ZFAND3: variants seen among roughly 807,000 people sequenced by gnomAD.
ZFAND3 encodes the protein zinc finger AN1-type containing 3, also known as AN1-type zinc finger protein 3.
ZFAND3 carries 10 observed loss-of-function variants against 29.6 expected under a neutral mutation model. The observed-to-expected ratio is 0.34, with a 90% CI of 0.21 to 0.57. The LOEUF (loss-of-function observed/expected upper bound fraction) is 0.57, where lower values mean the gene tolerates loss of function less well. Among genes scored for constraint, ZFAND3 ranks in the 20% least tolerant of loss-of-function variants. The pLI is 0.86. For missense variants in ZFAND3, 230 were observed against 304.5 expected (o/e 0.76, Z 1.82); for synonymous variants, 128 against 112.6 (o/e 1.14, Z -0.87).
chr6:37,941,940 G>A (rs1412544934), intron 2 of ZFAND3, among the ~76,000 whole-genome samples: 1 of 152,178 alleles, frequency 6.6e-6, no homozygotes, highest in African/African-American at 2.4e-5. Flanking sequence ...AGAGACACTA[G>A]TGATTTGTTC....
chr6:38,077,057 G>A (rs958456874), intron 3 of ZFAND3, among the ~76,000 whole-genome samples: 2 of 151,614 alleles, frequency 1.3e-5, no homozygotes, highest in African/African-American at 4.8e-5. Context: ...GACACATCAG[G>A]AAACAGTGCA....
intron 2 of ZFAND3, among the ~76,000 whole-genome samples, chr6:38,031,439 T>G (rs927904634): frequency 3.3e-5 from 5 of 152,208 alleles, no homozygotes; most frequent in African/African-American, 9.6e-5. Flanking sequence ...TTTCTTACTT[T>G]GCCCTTCGGG....
chr6:37,852,772 G>A (rs1366866733), intron 1 of ZFAND3, among the ~76,000 whole-genome samples: 1 of 149,708 alleles, frequency 6.7e-6, no homozygotes, highest in Non-Finnish European at 1.5e-5. Context: ...CTGCAGTGCA[G>A]TGGCATGATC....
chr6:37,849,820 C>G (rs1441774588), intron 1 of ZFAND3, among the ~76,000 whole-genome samples: 1 of 152,174 alleles, frequency 6.6e-6, no homozygotes, highest in Non-Finnish European at 1.5e-5. Flanking sequence ...GATTTAAGAG[C>G]CCTTTTGGGA....
chr6:38,020,393 A>C (rs2645142), intron 2 of ZFAND3, among the ~76,000 whole-genome samples: 1 of 152,156 alleles, frequency 6.6e-6, no homozygotes, highest in African/African-American at 2.4e-5. Context: ...GTTAAAAAAA[A>C]AAACATGTTT....
chr6:38,037,783 G>A (rs917935187), intron 2 of ZFAND3, among the ~76,000 whole-genome samples: 1 of 152,140 alleles, frequency 6.6e-6, no homozygotes, highest in Non-Finnish European at 1.5e-5. Flanking sequence ...TAGGTTATGC[G>A]CTGTTCTGGA....
chr6:37,963,728 T>G (rs1466527101), intron 2 of ZFAND3, among the ~76,000 whole-genome samples: 2 of 152,216 alleles, frequency 1.3e-5, no homozygotes, highest in African/African-American at 4.8e-5. Flanking sequence ...TCTTTCCTCC[T>G]TTTCTTTCTT....
At chr6:37,854,661 G>T (rs1764343324) in intron 1 of ZFAND3, among the ~76,000 whole-genome samples, 1 of 151,836 alleles carries the variant, frequency 6.6e-6, no homozygotes, top group South Asian at 2.1e-4. Context: ...TTTTATAGAT[G>T]AGGAAACAAG....
intron 1 of ZFAND3, among the ~76,000 whole-genome samples, chr6:37,844,978 C>G (rs1764151436): frequency 6.7e-6 from 1 of 149,754 alleles, no homozygotes; most frequent in Non-Finnish European, 1.5e-5. Flanking sequence ...GAGCCGAGAT[C>G]ACGCTACTGC....
intron 3 of ZFAND3, among the ~76,000 whole-genome samples, chr6:38,074,171 T>A (rs1225025496): frequency 6.6e-6 from 1 of 152,168 alleles, no homozygotes; most frequent in African/African-American, 2.4e-5. Context: ...ATGAGATCTT[T>A]CCTTTTCCAA....
At chr6:37,983,710 T>A (rs1360781203) in intron 2 of ZFAND3, among the ~76,000 whole-genome samples, 3 of 152,182 alleles carry the variant, frequency 2.0e-5, no homozygotes, top group Admixed American at 2.0e-4. Flanking sequence ...TTTTCTGTTT[T>A]CAGATATGTT....
intron 1 of ZFAND3, among the ~76,000 whole-genome samples, chr6:37,822,690 G>A (rs538690134): frequency 6.6e-6 from 1 of 152,322 alleles, no homozygotes. Context: ...GTAGAGGAAA[G>A]TAGCCTGGAG....
In ZFAND3 at chr6:37,885,438, G is replaced by A. The variant is rs139350783; in HGVS notation, c.72-44521G>A. ...GAGGGCAGATTAACTGAGGTCAGGA[G>A]TTAGAGACCAGCCTGGCCAACATGG... On this transcript the variant is annotated intron_variant, in intron 1 of 5. Transcript: ENST00000287218. Among the ~76,000 whole-genome samples the A allele has an allele frequency of 7.7e-3, 1,171 of 152,256 alleles. 14 individuals are homozygous for A. The highest frequency in any genetic ancestry group is 0.01 in the Middle Eastern group (3 of 294).
At chr6:37,845,517 C>A (rs1039089940) in intron 1 of ZFAND3, among the ~76,000 whole-genome samples, 9 of 152,152 alleles carry the variant, frequency 5.9e-5, no homozygotes, top group South Asian at 2.1e-4. Context: ...TTTCCTAGCC[C>A]CTTTTCCTCA....
chr6:37,891,418 C>T (rs993058647), intron 1 of ZFAND3, among the ~76,000 whole-genome samples: 3 of 137,074 alleles, frequency 2.2e-5, no homozygotes, highest in Non-Finnish European at 4.7e-5. Context: ...GATTTCAGTC[C>T]CCCCCCCCGC....
At chr6:37,905,906 A>G (rs182912927) in intron 1 of ZFAND3, among the ~76,000 whole-genome samples, 2 of 152,264 alleles carry the variant, frequency 1.3e-5, no homozygotes, top group Admixed American at 6.5e-5. Context: ...GTAAATGTTT[A>G]ATATTTTGAC....
At position 37,909,419 on chromosome 6, in the gene ZFAND3, A is replaced by G. The variant is rs1765479282; in HGVS notation, c.72-20540A>G. 4.0e-5 allele frequency among the ~76,000 whole-genome samples: 6 copies of G among 151,592 alleles called. No individual in the cohort carries two copies. In the South Asian group the frequency reaches 1.2e-3, roughly 32 times the overall value. ...CTCAGCCTCCCTAGTAGCTGGGACT[A>G]CAGATGTGCGCCACCATGCCCAGCT... On this transcript the variant is annotated intron_variant, in intron 1 of 5. Transcript: ENST00000287218.
chr6:37,871,685 A>G (rs1263477710), intron 1 of ZFAND3, among the ~76,000 whole-genome samples: 1 of 152,180 alleles, frequency 6.6e-6, no homozygotes. Context: ...CTCTAATTAC[A>G]CATTCAGGTT....
At chr6:38,039,028 T>C (rs1763711587) in intron 2 of ZFAND3, among the ~76,000 whole-genome samples, 1 of 152,224 alleles carries the variant, frequency 6.6e-6, no homozygotes, top group Admixed American at 6.5e-5. Flanking sequence ...CTAGATCACA[T>C]TTCTCAATCT....
Sources: allele counts gnomAD v4.1 joint callset (sites outside exome capture counted in the v4.1 genomes callset), GRCh38; gene constraint gnomAD v4.1.1; transcripts MANE v1.5; gene names NCBI Gene and HGNC (gene_info 2026-07-23, HGNC 2026-07-21).